KCNIP3: variants seen among roughly 807,000 people sequenced by gnomAD.
KCNIP3 encodes the protein potassium voltage-gated channel interacting protein 3.
A neutral mutation model predicts 35.0 loss-of-function variants in KCNIP3; 28 were observed. The observed-to-expected ratio is 0.80, with a 90% CI of 0.59 to 1.10. KCNIP3 has a LOEUF of 1.10. Among genes scored for constraint, KCNIP3 ranks in the 50% least tolerant of loss-of-function variants. The pLI, the probability that KCNIP3 is intolerant of heterozygous loss-of-function variation, is 0.00. For missense variants in KCNIP3, 295 were observed against 338.4 expected, an observed-to-expected ratio of 0.87 and a Z score of 1.01; for synonymous variants, 134 against 133.8, an observed-to-expected ratio of 1.00 and a Z score of -0.01.
At chr2:95,383,120 CCCATCCACCCACCCG>C in intron 7 of KCNIP3, 97 bp from the exon 8 acceptor site, 122 of 402,214 alleles carry the variant, frequency 3.0e-4, no homozygotes, top group East Asian at 7.4e-4. Flanking sequence ...AGCCCACCCG[CCCATCCACCCACCCG>C]CCCATCCACC....
intron 2 of KCNIP3, among the ~76,000 whole-genome samples, chr2:95,326,648 C>T (rs1437505562): frequency 3.3e-5 from 5 of 152,244 alleles, no homozygotes; most frequent in Admixed American, 1.3e-4. Flanking sequence ...CCTTGTTCCC[C>T]GGTCTCCCCA....
chr2:95,346,816 G>A, intron 2 of KCNIP3: 2 of 199,146 alleles, frequency 1.0e-5, no homozygotes, highest in Non-Finnish European at 1.0e-5. Context: ...CCCGCGTCCA[G>A]CCTCCGGCCT....
chr2:95,342,089 G>A (rs931955801), intron 2 of KCNIP3, among the ~76,000 whole-genome samples: 1 of 152,182 alleles, frequency 6.6e-6, no homozygotes, highest in South Asian at 2.1e-4. Context: ...GTTCACGGAA[G>A]AGCATGTGCG....
intron 2 of KCNIP3, among the ~76,000 whole-genome samples, chr2:95,373,608 G>A (rs1241709644): frequency 2.6e-5 from 4 of 152,052 alleles, no homozygotes; most frequent in Non-Finnish European, 5.9e-5. Flanking sequence ...ATTTTTATTA[G>A]AGACGGGGTT....
chr2:95,318,972 G>A (rs1337145445), intron 2 of KCNIP3, among the ~76,000 whole-genome samples: 3 of 152,192 alleles, frequency 2.0e-5, no homozygotes, highest in East Asian at 1.9e-4. Flanking sequence ...ACCTGCAGCC[G>A]CCGGCAGGGC....
chr2:95,300,236 T>TA lies in KCNIP3; in HGVS notation c.15+2784dup, dbSNP rs549954590. On this transcript the variant is annotated intron_variant, in intron 1 of 8. Coordinates refer to ENST00000295225, the MANE Select transcript of KCNIP3 (RefSeq NM_013434.5). ...CTCCACCTGGCCGCATCCCCTGCGT[T>TA]AGCCACGTGACCTGGAGCTAGCTGC... Among the ~76,000 whole-genome samples the TA allele has an allele frequency of 1.4e-4, 21 of 152,352 alleles. No homozygotes were observed. The East Asian group carries it at 4.1e-3, about 29-fold the overall frequency.
intron 2 of KCNIP3, among the ~76,000 whole-genome samples, chr2:95,341,401 C>G (rs183282988): frequency 6.6e-5 from 10 of 152,264 alleles, no homozygotes; most frequent in African/African-American, 2.2e-4. Flanking sequence ...ATTACCCAGT[C>G]TCAGGGATTT....
intron 2 of KCNIP3, among the ~76,000 whole-genome samples, chr2:95,320,405 C>T (rs1324342824): frequency 6.6e-6 from 1 of 152,004 alleles, no homozygotes; most frequent in Non-Finnish European, 1.5e-5. Context: ...CTGGAGGGGT[C>T]GGGGAGGAGG....
rs555133418 is a variant in KCNIP3 at position 95,340,816 on chromosome 2, G to T, written c.181+30296G>T. Among the ~76,000 whole-genome samples the T allele has an allele frequency of 2.6e-5, 4 of 152,340 alleles. No homozygotes were observed. In the South Asian group the frequency reaches 8.3e-4, roughly 32 times the overall value. On this transcript the variant is annotated intron_variant, in intron 2 of 8. Transcript: ENST00000295225. ...AAGCTGGTAGTGTAGTTAGATGCAA[G>T]AGCCCAGGTTCTTGCTGATACCACT... is the stretch of plus-strand genomic sequence containing the variant.
intron 2 of KCNIP3, among the ~76,000 whole-genome samples, chr2:95,343,631 C>G (rs1679272347): frequency 6.6e-6 from 1 of 152,198 alleles, no homozygotes; most frequent in African/African-American, 2.4e-5. Flanking sequence ...GTCGGTCAAA[C>G]TGACAGAGTC....
chr2:95,306,521 G>T (rs976171543), intron 1 of KCNIP3, among the ~76,000 whole-genome samples: 1 of 152,204 alleles, frequency 6.6e-6, no homozygotes, highest in African/African-American at 2.4e-5. Context: ...TGCTGAGATG[G>T]AGGTGCATGG....
intron 2 of KCNIP3, among the ~76,000 whole-genome samples, chr2:95,326,523 C>A (rs529802112): frequency 6.6e-6 from 1 of 152,358 alleles, no homozygotes; most frequent in South Asian, 2.1e-4. Context: ...ACTGGACCGG[C>A]CTGCCGGCCC....
chr2:95,329,780 G>A (rs1201578639), intron 2 of KCNIP3, among the ~76,000 whole-genome samples: 1 of 152,230 alleles, frequency 6.6e-6, no homozygotes, highest in Non-Finnish European at 1.5e-5. Flanking sequence ...CAGCCATTAC[G>A]GCCATTGATC....
chr2:95,352,853 G>A (rs551813828), intron 2 of KCNIP3, among the ~76,000 whole-genome samples: 1 of 152,206 alleles, frequency 6.6e-6, no homozygotes, highest in Non-Finnish European at 1.5e-5. Flanking sequence ...GTCCAGGAGG[G>A]AGACAGGAAG....
At chr2:95,314,277 C>T (rs1558760205) in intron 2 of KCNIP3, among the ~76,000 whole-genome samples, 1 of 152,178 alleles carries the variant, frequency 6.6e-6, no homozygotes. Flanking sequence ...CATCATGAAG[C>T]ATCAAGATAC....
At chr2:95,319,153 A>C (rs550908285) in intron 2 of KCNIP3, among the ~76,000 whole-genome samples, 6 of 152,318 alleles carry the variant, frequency 3.9e-5, no homozygotes, top group Non-Finnish European at 5.9e-5. Context: ...GCATCCCCAA[A>C]CAAGTAGAAT....
At position 95,346,885 on chromosome 2, in the gene KCNIP3, C is replaced by T; in HGVS notation, c.182-27411C>T. The stretch of plus-strand genomic sequence containing the variant: ...GCCCCGGCCCAGCCAACCCAGCAGC[C>T]CCGCCTGCCGGGGGCATGTGAGCCG... On this transcript the variant is annotated intron_variant, in intron 2 of 8. Coordinates refer to ENST00000295225, the MANE Select transcript of KCNIP3 (RefSeq NM_013434.5). 5.5e-6 allele frequency: 2 copies of T among 366,874 alleles called. 1 individual carries two copies. Among genetic ancestry groups the T allele is most frequent in the Non-Finnish European group, 9.1e-6 (2 of 220,352 alleles). 22.7% of individuals were successfully genotyped at this position (366,874 alleles called of 1,614,324 possible). A position where few individuals can be genotyped will look rare whatever the true frequency, so the allele number is the denominator to read the frequency against.
intron 3 of KCNIP3, 75 bp downstream of exon 3, chr2:95,374,495 A>G (rs995492440): frequency 1.2e-5 from 19 of 1,547,990 alleles, no homozygotes; most frequent in Non-Finnish European, 1.7e-5. Flanking sequence ...TCTCCATGCC[A>G]CAGTAAATAT....
At chr2:95,339,523 A>G (rs1679141908) in intron 2 of KCNIP3, among the ~76,000 whole-genome samples, 1 of 152,054 alleles carries the variant, frequency 6.6e-6, no homozygotes. Flanking sequence ...GGCGGAGGTC[A>G]CAGTGAGGTG....
Sources: allele counts gnomAD v4.1 joint callset (sites outside exome capture counted in the v4.1 genomes callset), GRCh38; gene constraint gnomAD v4.1.1; transcripts MANE v1.5; gene names NCBI Gene and HGNC (gene_info 2026-07-23, HGNC 2026-07-21).